The following NKAIN2 variants were observed in gnomAD, a reference collection of about 807,000 sequenced individuals.
NKAIN2 encodes sodium/potassium transporting ATPase interacting 2.
In NKAIN2, 14 loss-of-function variants were observed where a neutral mutation model predicts 32.6. The ratio of observed to expected loss-of-function variants is 0.43; its 90% CI spans 0.28 to 0.67. The LOEUF is 0.67. NKAIN2 is among the 30% of genes least tolerant of loss of function. The pLI is 0.17. For synonymous variants in NKAIN2, 80 were observed against 87.2 expected (o/e 0.92, Z 0.46); for missense variants, 198 against 258.3 (o/e 0.77, Z 1.60).
intron 4 of NKAIN2, among the ~76,000 whole-genome samples, chr6:124,784,064 C>A (rs1368922002): frequency 6.6e-6 from 1 of 152,104 alleles, no homozygotes; most frequent in Non-Finnish European, 1.5e-5. Context: ...AGAAAACAAG[C>A]ATATCTACTT....
chr6:123,935,687 A>C (rs529660249), intron 1 of NKAIN2, among the ~76,000 whole-genome samples: 3 of 152,222 alleles, frequency 2.0e-5, no homozygotes, highest in African/African-American at 7.2e-5. Context: ...TCAGTTATCT[A>C]ATGTCATTTA....
intron 1 of NKAIN2, among the ~76,000 whole-genome samples, chr6:123,956,613 G>C (rs1777605097): frequency 6.6e-6 from 1 of 152,190 alleles, no homozygotes; most frequent in Non-Finnish European, 1.5e-5. Flanking sequence ...CACCCCATCT[G>C]TGGTATTTTG....
chr6:124,069,229 C>A (rs920885249), intron 1 of NKAIN2, among the ~76,000 whole-genome samples: 9 of 152,016 alleles, frequency 5.9e-5, no homozygotes, highest in African/African-American at 2.2e-4. Context: ...CTTTTTTTAA[C>A]ATTTTCTCTT....
rs78813381 is a variant in NKAIN2, at chr6:124,082,078, G to A, written c.55-200927G>A. On this transcript the variant is annotated intron_variant, in intron 1 of 6. Transcript: ENST00000368417. ...GTATTTTAGGAACTGAAAGAAACAG[G>A]TAAATAACCCAAGCCTAGAAACTTG... Among the ~76,000 whole-genome samples, 1,003 of 152,088 alleles carry A rather than the reference G, an allele frequency of 6.6e-3. 12 individuals are homozygous for A. The highest frequency in any genetic ancestry group is 0.023 in the African/African-American group (957 of 41,504).
chr6:124,405,129 G>C (rs182693884), intron 3 of NKAIN2, among the ~76,000 whole-genome samples: 215 of 152,238 alleles, frequency 1.4e-3, no homozygotes, highest in Non-Finnish European at 1.4e-3. Context: ...GATCAGATTG[G>C]AAGAATTTTC....
intron 4 of NKAIN2, among the ~76,000 whole-genome samples, chr6:124,700,628 CA>C (rs1408416146): frequency 6.6e-6 from 1 of 152,014 alleles, no homozygotes; most frequent in Non-Finnish European, 1.5e-5. Flanking sequence ...GTTGTGCCCC[CA>C]AAACAGTTAC....
intron 1 of NKAIN2, among the ~76,000 whole-genome samples, chr6:124,216,178 T>G (rs961237153): frequency 6.8e-6 from 1 of 146,326 alleles, no homozygotes; most frequent in African/African-American, 2.5e-5. Context: ...GGAGCATGAG[T>G]ATGGGAGAAT....
intron 3 of NKAIN2, among the ~76,000 whole-genome samples, chr6:124,640,280 A>G (rs1430020637): frequency 2.6e-5 from 4 of 152,184 alleles, no homozygotes; most frequent in Non-Finnish European, 4.4e-5. Flanking sequence ...TGTTTCTTAA[A>G]TGTCTCTAAG....
chr6:124,377,152 A>C (rs1800028609), intron 3 of NKAIN2, among the ~76,000 whole-genome samples: 1 of 152,216 alleles, frequency 6.6e-6, no homozygotes, highest in Admixed American at 6.5e-5. Context: ...GGTGATATTT[A>C]ATATCAGTGC....
At chr6:123,987,601 T>C (rs577598419) in intron 1 of NKAIN2, among the ~76,000 whole-genome samples, 14 of 152,296 alleles carry the variant, frequency 9.2e-5, no homozygotes, top group African/African-American at 3.4e-4. Context: ...GCTCATGTGA[T>C]TGTAGCAGAA....
intron 3 of NKAIN2, among the ~76,000 whole-genome samples, chr6:124,595,755 C>G (rs1388164615): frequency 6.6e-6 from 1 of 152,138 alleles, no homozygotes; most frequent in Non-Finnish European, 1.5e-5. Flanking sequence ...GAGATATTCT[C>G]CACCCCTACA....
chr6:124,435,995 T>C (rs563002774), intron 3 of NKAIN2, among the ~76,000 whole-genome samples: 22 of 152,224 alleles, frequency 1.4e-4, no homozygotes, highest in African/African-American at 5.1e-4. Context: ...ACGGACGAAA[T>C]ATTCACTTTA....
chr6:124,510,524 G>A (rs755589537), intron 3 of NKAIN2, among the ~76,000 whole-genome samples: 6 of 152,156 alleles, frequency 3.9e-5, no homozygotes, highest in African/African-American at 2.4e-5. Flanking sequence ...GAATCTGCAT[G>A]CCATCTTTAT....
chr6:124,335,136 T>C (rs1343797965), intron 2 of NKAIN2, among the ~76,000 whole-genome samples: 1 of 152,088 alleles, frequency 6.6e-6, no homozygotes, highest in Admixed American at 6.5e-5. Flanking sequence ...AAAAAAAATA[T>C]GCACCCAGTA....
chr6:124,028,735 A>T (rs992951365), intron 1 of NKAIN2, among the ~76,000 whole-genome samples: 10 of 148,552 alleles, frequency 6.7e-5, no homozygotes, highest in African/African-American at 2.5e-4. Context: ...ACGTGTATAC[A>T]CGTATATATG....
At chr6:124,741,149 G>A (rs1458609245) in intron 4 of NKAIN2, among the ~76,000 whole-genome samples, 1 of 151,630 alleles carries the variant, frequency 6.6e-6, no homozygotes, top group Non-Finnish European at 1.5e-5. Context: ...AAGGAGTGTA[G>A]TTAGAGGAGG....
chr6:124,716,991 TA>T (rs1044766771), intron 4 of NKAIN2, among the ~76,000 whole-genome samples: 2 of 152,208 alleles, frequency 1.3e-5, no homozygotes, highest in African/African-American at 4.8e-5. Flanking sequence ...AATGAATGAA[TA>T]AATGCCATCA....
chr6:124,609,808 T>G (rs1337235010), intron 3 of NKAIN2, among the ~76,000 whole-genome samples: 1 of 152,146 alleles, frequency 6.6e-6, no homozygotes, highest in Non-Finnish European at 1.5e-5. Context: ...GGGGTAGTGA[T>G]AGAGAGCTAC....
chr6:124,240,155 T>C (rs1353520780), intron 1 of NKAIN2, among the ~76,000 whole-genome samples: 1 of 151,990 alleles, frequency 6.6e-6, no homozygotes, highest in African/African-American at 2.4e-5. Context: ...AAGAAATGGA[T>C]AAATTCCTGG....
Sources: allele counts gnomAD v4.1 joint callset (sites outside exome capture counted in the v4.1 genomes callset), GRCh38; gene constraint gnomAD v4.1.1; transcripts MANE v1.5; gene names NCBI Gene and HGNC (gene_info 2026-07-23, HGNC 2026-07-21).